LRP1B: variants seen among roughly 807,000 people sequenced by gnomAD.
LRP1B encodes LDL receptor related protein 1B.
In LRP1B, 217 loss-of-function variants were observed where a neutral mutation model predicts 556.6. The observed-to-expected ratio is 0.39, with a 90% CI of 0.35 to 0.44. The LOEUF (loss-of-function observed/expected upper bound fraction) is 0.44. Ranked by LOEUF, LRP1B falls within the 20% of genes least tolerant of loss-of-function variation. LRP1B has a pLI of 1.00. For synonymous variants in LRP1B, 2,047 were observed against 1,865.8 expected, an observed-to-expected ratio of 1.10 and a Z score of -2.50; for missense variants, 5,053 against 5,620.8, an observed-to-expected ratio of 0.90 and a Z score of 3.23.
chr2:141,334,224 G>A (rs557136048), intron 3 of LRP1B, among the ~76,000 whole-genome samples: 4 of 152,170 alleles, frequency 2.6e-5, no homozygotes, highest in African/African-American at 4.8e-5. Context: ...TGGACGTGGG[G>A]CCTGTTGGGA....
chr2:141,467,498 C>T (rs1015892419), intron 3 of LRP1B, among the ~76,000 whole-genome samples: 1 of 152,012 alleles, frequency 6.6e-6, no homozygotes, highest in African/African-American at 2.4e-5. Context: ...GAATTTCTTT[C>T]CCTGAAGGCA....
intron 7 of LRP1B, among the ~76,000 whole-genome samples, chr2:141,128,391 C>G (rs1327700476): frequency 3.3e-5 from 5 of 152,086 alleles, no homozygotes; most frequent in African/African-American, 1.2e-4. Context: ...AATTTCTCTC[C>G]TCTGATTCAT....
At chr2:141,292,400 T>G (rs1158204031) in intron 3 of LRP1B, among the ~76,000 whole-genome samples, 1 of 151,162 alleles carries the variant, frequency 6.6e-6, no homozygotes, top group Non-Finnish European at 1.5e-5. Context: ...AAAAAGAAAA[T>G]GAAAGAAAAT....
intron 41 of LRP1B, among the ~76,000 whole-genome samples, chr2:140,654,080 T>G (rs1290560860): frequency 7.4e-6 from 1 of 135,532 alleles, no homozygotes; most frequent in Non-Finnish European, 1.6e-5. Context: ...ATTTGGGGAA[T>G]AGTAATGTGG....
chr2:141,760,614 CAAAA>C (rs1694509213), intron 2 of LRP1B, among the ~76,000 whole-genome samples: 1 of 152,100 alleles, frequency 6.6e-6, no homozygotes, highest in South Asian at 2.1e-4. Flanking sequence ...ATACACTTAA[CAAAA>C]GAAAGCAAAA....
chr2:142,113,676 T>A (rs1284885224), intron 1 of LRP1B, among the ~76,000 whole-genome samples: 1 of 151,894 alleles, frequency 6.6e-6, no homozygotes, highest in Non-Finnish European at 1.5e-5. Flanking sequence ...ACAGTGGAGA[T>A]CCTAGGCCTT....
intron 2 of LRP1B, among the ~76,000 whole-genome samples, chr2:141,566,162 A>G (rs903955357): frequency 2.0e-5 from 3 of 151,838 alleles, no homozygotes; most frequent in Non-Finnish European, 4.4e-5. Context: ...TCAGGAAAAA[A>G]AAAAAGAAAA....
Position 141,810,417 on chromosome 2 carries a change from T to C in LRP1B, c.83-16A>G. On this transcript the variant is annotated splice_polypyrimidine_tract_variant and intron_variant, in intron 1 of 90. Transcript: ENST00000389484. ...AACTGCTGATCTGAAAATGAAAATG[T>C]TTCGAAATAAAATATGAATGATCTG... The C allele has an allele frequency of 6.2e-7, 1 of 1,611,718 alleles. No individual in the cohort carries two copies. The highest frequency in any genetic ancestry group is 8.5e-7 in the Non-Finnish European group (1 of 1,178,618).
At chr2:140,294,364 T>A (rs939568901) in intron 84 of LRP1B, among the ~76,000 whole-genome samples, 1 of 152,238 alleles carries the variant, frequency 6.6e-6, no homozygotes, top group African/African-American at 2.4e-5. Context: ...ATCATTTATT[T>A]TTATTTATGT....
At chr2:141,387,977 A>G (rs1298624803) in intron 3 of LRP1B, among the ~76,000 whole-genome samples, 1 of 152,224 alleles carries the variant, frequency 6.6e-6, no homozygotes, top group Non-Finnish European at 1.5e-5. Context: ...ATTATATGCA[A>G]TGACCATGTG....
At chr2:140,604,130 C>T (rs182644129) in intron 41 of LRP1B, among the ~76,000 whole-genome samples, 1 of 151,062 alleles carries the variant, frequency 6.6e-6, no homozygotes, top group Non-Finnish European at 1.5e-5. Context: ...TAAATCAATA[C>T]AGGGCTAAAT....
chr2:140,526,532 T>C (rs1410261559), intron 47 of LRP1B, among the ~76,000 whole-genome samples, 182 bp from the exon 48 acceptor site: 1 of 151,228 alleles, frequency 6.6e-6, no homozygotes, highest in Non-Finnish European at 1.5e-5. Flanking sequence ...TTATATGTCT[T>C]CCCCTATCAC....
chr2:141,066,743 A>G (rs991215510), intron 7 of LRP1B, among the ~76,000 whole-genome samples: 1 of 152,024 alleles, frequency 6.6e-6, no homozygotes, highest in Non-Finnish European at 1.5e-5. Flanking sequence ...TCTGAAAATG[A>G]AATGACTTAT....
intron 2 of LRP1B, among the ~76,000 whole-genome samples, chr2:141,600,002 G>A (rs1687668869): frequency 6.6e-6 from 1 of 152,010 alleles, no homozygotes; most frequent in South Asian, 2.1e-4. Flanking sequence ...GCTCCTTAGT[G>A]GCAGTTTTCT....
chr2:141,943,836 G>A (rs1405360570), intron 1 of LRP1B, among the ~76,000 whole-genome samples: 4 of 152,078 alleles, frequency 2.6e-5, no homozygotes, highest in East Asian at 1.9e-4. Context: ...CTTGTCACAC[G>A]ACCAGGAAAG....
At chr2:141,952,054 A>G (rs1469798774) in intron 1 of LRP1B, among the ~76,000 whole-genome samples, 1 of 135,622 alleles carries the variant, frequency 7.4e-6, no homozygotes, top group Non-Finnish European at 1.5e-5. Flanking sequence ...CCTGTGTCCA[A>G]GTGTTCTCAT....
chr2:141,535,811 C>T (rs937359049), intron 2 of LRP1B, among the ~76,000 whole-genome samples: 2 of 152,044 alleles, frequency 1.3e-5, no homozygotes, highest in South Asian at 2.1e-4. Context: ...TATTTTAGCA[C>T]GTCATCAAAT....
intron 41 of LRP1B, among the ~76,000 whole-genome samples, chr2:140,614,914 C>T (rs1683204403): frequency 6.6e-6 from 1 of 152,176 alleles, no homozygotes; most frequent in South Asian, 2.1e-4. Context: ...TGCTTGTAAC[C>T]TCCAAGCTGC....
intron 2 of LRP1B, among the ~76,000 whole-genome samples, chr2:141,766,949 A>G (rs527854152): frequency 1.3e-5 from 2 of 152,182 alleles, no homozygotes; most frequent in Admixed American, 6.5e-5. Context: ...CCTCTAATAC[A>G]GTTTGATTAA....
Sources: gnomAD v4.1 joint callset for allele counts (sites outside exome capture counted in the v4.1 genomes callset) on GRCh38, gnomAD v4.1.1 for gene constraint, MANE v1.5 for transcripts, NCBI Gene and HGNC (gene_info 2026-07-23, HGNC 2026-07-21) for gene names.